The following LRCH1 variants were observed in gnomAD, a reference collection of about 807,000 sequenced individuals.
The protein encoded by LRCH1 is leucine-rich repeat and calponin homology domain-containing protein 1.
A neutral mutation model predicts 94.9 loss-of-function variants in LRCH1; 23 were observed. The observed-to-expected ratio is 0.24, with a 90% CI of 0.17 to 0.34. LRCH1 has a LOEUF of 0.34. LRCH1 is among the 10% of genes least tolerant of loss of function. LRCH1 has a pLI of 1.00. For missense variants in LRCH1, 790 were observed against 945.9 expected (o/e 0.84, Z 2.16); for synonymous variants, 364 against 354.9 (o/e 1.03, Z -0.29).
chr13:46,575,536 G>GTGTA (rs979956802), intron 1 of LRCH1, among the ~76,000 whole-genome samples: 1 of 151,858 alleles, frequency 6.6e-6, no homozygotes, highest in African/African-American at 2.4e-5. Flanking sequence ...GTGTGTGTGT[G>GTGTA]TGTGTGTGTT....
chr13:46,674,841 C>T (rs919996964), intron 3 of LRCH1, among the ~76,000 whole-genome samples: 2 of 152,168 alleles, frequency 1.3e-5, no homozygotes, highest in East Asian at 1.9e-4. Context: ...GGAGTCAAAA[C>T]CAGGTTTTTT....
At chr13:46,700,348 T>C (rs776721174) in intron 10 of LRCH1, among the ~76,000 whole-genome samples, 1 of 152,200 alleles carries the variant, frequency 6.6e-6, no homozygotes, top group Non-Finnish European at 1.5e-5. Context: ...ATCAAATCTC[T>C]CTTGCCCTTT....
intron 15 of LRCH1, among the ~76,000 whole-genome samples, chr13:46,714,809 C>A (rs1327218909): frequency 6.6e-6 from 1 of 152,112 alleles, no homozygotes; most frequent in Non-Finnish European, 1.5e-5. Flanking sequence ...TCATAAGTGA[C>A]CAACTCAGAA....
chr13:46,680,038 C>A (rs1025960784), intron 3 of LRCH1: 1 of 152,204 alleles, frequency 6.6e-6, no homozygotes, highest in Non-Finnish European at 1.5e-5. Context: ...ATTTCTGAAA[C>A]GAGGCTCTGC....
At chr13:46,688,037 C>T (rs1480466254) in intron 6 of LRCH1, 58 bp downstream of exon 6, 43 of 1,495,936 alleles carry the variant, frequency 2.9e-5, no homozygotes, top group Non-Finnish European at 3.6e-5. Context: ...CAAGGCCCTC[C>T]AGGTAGCTGA....
At chr13:46,560,201 A>G (rs1404505456) in intron 1 of LRCH1, among the ~76,000 whole-genome samples, 2 of 145,762 alleles carry the variant, frequency 1.4e-5, no homozygotes, top group Non-Finnish European at 3.0e-5. Context: ...ATGTCTCCCC[A>G]TAATTTCCCT....
chr13:46,708,567 C>CAGGCATG (rs1871896243), intron 13 of LRCH1, among the ~76,000 whole-genome samples: 2 of 152,170 alleles, frequency 1.3e-5, no homozygotes, highest in Admixed American at 1.3e-4. Flanking sequence ...CCACTGCACC[C>CAGGCATG]AGCCTGATCC....
intron 19 of LRCH1, among the ~76,000 whole-genome samples, chr13:46,737,895 G>C (rs1423855186): frequency 6.6e-6 from 1 of 152,128 alleles, no homozygotes; most frequent in African/African-American, 2.4e-5. Flanking sequence ...CTCAGGTTGA[G>C]AGAAATCTAA....
exon 19 of LRCH1, chr13:46,751,432 C>T (rs543161133): frequency 6.1e-4 from 93 of 152,142 alleles, no homozygotes; most frequent in African/African-American, 2.2e-3. Flanking sequence ...CATCCAGTTT[C>T]CTACATTCCA....
chr13:46,717,965 G>T (rs1316696935), intron 16 of LRCH1, among the ~76,000 whole-genome samples: 3 of 152,210 alleles, frequency 2.0e-5, no homozygotes, highest in African/African-American at 7.2e-5. Flanking sequence ...TAAGGTGGAT[G>T]AAGGAGGATG....
chr13:46,697,176 G>A (rs551632120), intron 9 of LRCH1, among the ~76,000 whole-genome samples: 144 of 152,294 alleles, frequency 9.5e-4, no homozygotes, highest in Non-Finnish European at 1.7e-3. Flanking sequence ...GTTATGTTGT[G>A]TGACATCACT....
intron 13 of LRCH1, 112 bp downstream of exon 13, chr13:46,705,416 C>T: frequency 1.0e-6 from 1 of 961,578 alleles, no homozygotes; most frequent in Admixed American, 1.7e-5. Flanking sequence ...ATTAATGAGG[C>T]CAATATTCAG....
intron 1 of LRCH1, among the ~76,000 whole-genome samples, chr13:46,601,667 T>C (rs2050630357): frequency 6.6e-6 from 1 of 152,242 alleles, no homozygotes; most frequent in South Asian, 2.1e-4. Flanking sequence ...AGACTAATTA[T>C]ATTTCCATAG....
At chr13:46,666,558 G>A (rs1352274562) in intron 2 of LRCH1, among the ~76,000 whole-genome samples, 1 of 152,190 alleles carries the variant, frequency 6.6e-6, no homozygotes, top group African/African-American at 2.4e-5. Flanking sequence ...GCTAAAAATA[G>A]GAATGTAGAA....
At chr13:46,614,238 G>T (rs761816178) in intron 1 of LRCH1, among the ~76,000 whole-genome samples, 4 of 151,982 alleles carry the variant, frequency 2.6e-5, no homozygotes, top group Non-Finnish European at 5.9e-5. Flanking sequence ...CTGCATCTTT[G>T]TATGCTTTGA....
chr13:46,736,695 A>G (rs56398234), intron 19 of LRCH1, among the ~76,000 whole-genome samples: 11,234 of 152,266 alleles, frequency 0.074, 681 homozygotes, highest in African/African-American at 0.16. Flanking sequence ...CCTAGTAGTC[A>G]GTGTAGTTAC....
chr13:46,671,203 C>T (rs1671025249), intron 3 of LRCH1, among the ~76,000 whole-genome samples: 1 of 152,226 alleles, frequency 6.6e-6, no homozygotes, highest in African/African-American at 2.4e-5. Flanking sequence ...TTGGTTAGTT[C>T]TTAGCCAAGT....
intron 3 of LRCH1, among the ~76,000 whole-genome samples, chr13:46,673,501 G>T (rs1403850374): frequency 3.2e-5 from 2 of 62,016 alleles, no homozygotes; most frequent in Non-Finnish European, 7.2e-5. Context: ...GCTATCAATT[G>T]GAAAAAAAAA....
In LRCH1 at chr13:46,580,744, T is replaced by G. The variant is rs144232801; in HGVS notation, c.307+27041T>G. The stretch of plus-strand genomic sequence containing the variant: ...CTTGCAAGACATTTCTGGCACGGAG[T>G]GGACCAAGTGGAAATGCTTAAATGT... On this transcript the variant is annotated intron_variant, in intron 1 of 19. Transcript: ENST00000389797. Among the ~76,000 whole-genome samples the G allele has an allele frequency of 3.9e-5, 6 of 152,108 alleles. No individual in the cohort carries two copies. In the East Asian group the frequency reaches 1.2e-3, roughly 29 times the overall value.
Sources: gnomAD v4.1 joint callset for allele counts (sites outside exome capture counted in the v4.1 genomes callset) on GRCh38, gnomAD v4.1.1 for gene constraint, MANE v1.5 for transcripts, NCBI Gene and HGNC (gene_info 2026-07-23, HGNC 2026-07-21) for gene names.